The following C10orf88 variants were observed in gnomAD, a reference collection of about 807,000 sequenced individuals.
C10orf88 encodes the protein chromosome 10 open reading frame 88.
Under a neutral mutation model 34.2 loss-of-function variants are expected in C10orf88, and 29 were observed. That is an observed-to-expected ratio of 0.85 (90% CI 0.63 to 1.16). The LOEUF is 1.16. Among genes scored for constraint, C10orf88 ranks in the 50% most tolerant of loss-of-function variants. C10orf88 has a pLI of 0.00. For missense variants in C10orf88, 507 were observed against 533.2 expected, an observed-to-expected ratio of 0.95 and a Z score of 0.48; for synonymous variants, 194 against 197.4, an observed-to-expected ratio of 0.98 and a Z score of 0.15.
intron 4 of C10orf88, among the ~76,000 whole-genome samples, chr10:122,939,583 G>A (rs1848565802): frequency 6.6e-6 from 1 of 151,786 alleles, no homozygotes; most frequent in Non-Finnish European, 1.5e-5. Flanking sequence ...TTTATAAAAT[G>A]CAAGTTTTGA....
Position 122,948,674 on chromosome 10 carries a change from A to G in C10orf88, c.623T>C (p.Met208Thr). Residue 208 changes from methionine (M) to threonine (T), a missense_variant, in exon 4 of 6, where the codon ATG becomes ACG. Physicochemically the swap from Met to Thr is moderately conservative, Grantham distance 81. Coordinates refer to ENST00000481909, the MANE Select transcript of C10orf88 (RefSeq NM_024942.4). ...SKLSPGAQQL[M>T]DMVRCQQRNC... ...CCGCTGCTGACACCTAACCATATCC[A>G]TCAACTGCTGAGCTCCAGGAGATAA... The G allele has an allele frequency of 4.3e-6, 7 of 1,613,920 alleles. No homozygotes were observed. Among genetic ancestry groups the G allele is most frequent in the Non-Finnish European group, 5.9e-6 (7 of 1,179,848 alleles).
Position 122,945,831 on chromosome 10 carries a change from G to A in C10orf88, c.648+2818C>T, listed in dbSNP as rs554054720. 5.9e-4 allele frequency among the ~76,000 whole-genome samples: 90 copies of A among 152,178 alleles called. 2 individuals are homozygous for A. In the South Asian group the frequency reaches 6.2e-3, roughly 11 times the overall value. ...CGATAGGCTGGGCATGGTGGTTCAC[G>A]CCTGTAATCCCACCCAGTACTTTGG... On this transcript the variant is annotated intron_variant, in intron 4 of 5. Coordinates refer to ENST00000481909, the MANE Select transcript of C10orf88 (RefSeq NM_024942.4).
chr10:122,948,197 C>A (rs1322146250), intron 4 of C10orf88, among the ~76,000 whole-genome samples: 1 of 152,084 alleles, frequency 6.6e-6, no homozygotes, highest in East Asian at 1.9e-4. Flanking sequence ...ATTTTATTCA[C>A]CTTATTTTTT....
chr10:122,944,985 T>A (rs1386394680), intron 4 of C10orf88, among the ~76,000 whole-genome samples: 2 of 111,924 alleles, frequency 1.8e-5, no homozygotes, highest in African/African-American at 6.4e-5. Flanking sequence ...TAGGTGTGTG[T>A]GTATATATAT....
intron 4 of C10orf88, among the ~76,000 whole-genome samples, chr10:122,943,266 A>T (rs1261480406): frequency 7.0e-6 from 1 of 141,850 alleles, no homozygotes; most frequent in East Asian, 2.1e-4. Flanking sequence ...AAAAACAAGC[A>T]ATGGGGAAAG....
intron 4 of C10orf88, among the ~76,000 whole-genome samples, chr10:122,947,944 G>A (rs1354587198): frequency 6.6e-6 from 1 of 152,070 alleles, no homozygotes; most frequent in African/African-American, 2.4e-5. Context: ...ATCTGGACGA[G>A]GGGAATGACG....
At chr10:122,940,494 T>C (rs541714421) in intron 4 of C10orf88, among the ~76,000 whole-genome samples, 1 of 152,192 alleles carries the variant, frequency 6.6e-6, no homozygotes, top group Non-Finnish European at 1.5e-5. Context: ...TACAACAGTG[T>C]CTATAGTTAA....
chr10:122,944,136 C>A (rs1848613411), intron 4 of C10orf88, among the ~76,000 whole-genome samples: 1 of 151,708 alleles, frequency 6.6e-6, no homozygotes, highest in Non-Finnish European at 1.5e-5. Flanking sequence ...AAATGTCCAA[C>A]AATGATAGAC....
At chr10:122,933,189 G>A (rs1019124769) in intron 5 of C10orf88, among the ~76,000 whole-genome samples, 3 of 152,126 alleles carry the variant, frequency 2.0e-5, no homozygotes, top group Non-Finnish European at 4.4e-5. Context: ...CATTAGAACA[G>A]TAAGTCTCAG....
intron 5 of C10orf88, among the ~76,000 whole-genome samples, chr10:122,936,049 T>C (rs531401610): frequency 6.5e-4 from 99 of 152,100 alleles, no homozygotes; most frequent in Non-Finnish European, 8.4e-4. Flanking sequence ...GTTCTTTAAA[T>C]GTTCAGTGGA....
chr10:122,948,987 C>T, intron 3 of C10orf88, 132 bp from the exon 4 acceptor site: 1 of 803,798 alleles, frequency 1.2e-6, no homozygotes, highest in Non-Finnish European at 1.9e-6. Context: ...ATATTTTAAA[C>T]TTTTCTCTAG....
intron 5 of C10orf88, among the ~76,000 whole-genome samples, chr10:122,936,841 T>C (rs963254637): frequency 1.3e-5 from 2 of 152,018 alleles, no homozygotes; most frequent in African/African-American, 4.8e-5. Context: ...AAAACACACA[T>C]TGTATTATTT....
intron 1 of C10orf88, among the ~76,000 whole-genome samples, chr10:122,953,627 G>C (rs749395233): frequency 6.6e-6 from 1 of 152,206 alleles, no homozygotes; most frequent in Non-Finnish European, 1.5e-5. Flanking sequence ...TATCTTTTTC[G>C]AAATTAAGTC....
chr10:122,944,290 C>T (rs1848615009), intron 4 of C10orf88, among the ~76,000 whole-genome samples: 1 of 149,542 alleles, frequency 6.7e-6, no homozygotes, highest in Admixed American at 6.7e-5. Context: ...AAACCAAACA[C>T]CGCATATTCT....
chr10:122,952,025 C>A lies in C10orf88; in HGVS notation c.370G>T (p.Glu124Ter). ...KNVCTVLDDS[E>*]HEKIILYKKN... Reference sequence around the variant, plus strand: ...TTATACAAAATGATCTTTTCATGTTCACTAAAAATAAAAAAGAATTAATTT... The same window carrying A: ...TTATACAAAATGATCTTTTCATGTTAACTAAAAATAAAAAAGAATTAATTT... The change falls in exon 3 of 6, where the codon GAA (glutamate) becomes TAA (stop). Residue 124 changes from glutamate (E) to a stop codon, truncating the protein, a stop_gained and splice_region_variant. Coordinates refer to ENST00000481909, the MANE Select transcript of C10orf88 (RefSeq NM_024942.4). LOFTEE classifies it high-confidence loss of function. 7.1e-7 allele frequency: 1 copy of A among 1,415,248 alleles called. No individual in the cohort carries two copies. The highest frequency in any genetic ancestry group is 1.3e-5 in the South Asian group (1 of 79,874). The allele number at this position is 1,415,248 out of a possible 1,614,324, so 87.7% of individuals were successfully genotyped here.
chr10:122,954,168 C>T lies in C10orf88; in HGVS notation c.11G>A (p.Arg4Gln), dbSNP rs775693796. 85 of 1,570,750 alleles carry T rather than the reference C, an allele frequency of 5.4e-5. No individual in the cohort carries two copies. Among genetic ancestry groups the T allele is most frequent in the Middle Eastern group, 1.7e-4 (1 of 5,994 alleles). The change falls in exon 1 of 6, where the codon CGG (arginine) becomes CAG (glutamine). Residue 4 changes from arginine to glutamine, a missense_variant. By Grantham distance (43) the Arg-to-Gln change is conservative. Coordinates refer to ENST00000481909, the MANE Select transcript of C10orf88 (RefSeq NM_024942.4). The stretch of plus-strand genomic sequence containing the variant: ...GCGGGTGAGGCCCCCGTCCTCGGTC[C>T]GCGTCTCCATTCCGCCGCCTTCAGT... MET[R>Q]TEDGGLTRRP...
At chr10:122,946,025 G>A (rs1391299248) in intron 4 of C10orf88, among the ~76,000 whole-genome samples, 1 of 151,922 alleles carries the variant, frequency 6.6e-6, no homozygotes, top group Non-Finnish European at 1.5e-5. Context: ...GAACCCAGGA[G>A]GCAGAGGTTG....
rs560483224 is a variant in C10orf88 at position 122,944,465 on chromosome 10, T to G, written c.648+4184A>C. Among the ~76,000 whole-genome samples the G allele has an allele frequency of 7.9e-5, 12 of 152,126 alleles. No individual in the cohort carries two copies. In the South Asian group the frequency reaches 1.7e-3, roughly 21 times the overall value. ...GGGTGCAGCGCACCAGCATGGCACA[T>G]GTATACATATGTAACAAACCTGCAC... On this transcript the variant is annotated intron_variant, in intron 4 of 5. Coordinates refer to ENST00000481909, the MANE Select transcript of C10orf88 (RefSeq NM_024942.4).
At chr10:122,952,297 T>C (rs1192596008) in intron 2 of C10orf88, among the ~76,000 whole-genome samples, 1 of 152,160 alleles carries the variant, frequency 6.6e-6, no homozygotes, top group Non-Finnish European at 1.5e-5. Context: ...AGCAATTGTT[T>C]CCAACATGCA....
Sources: gnomAD v4.1 joint callset for allele counts (sites outside exome capture counted in the v4.1 genomes callset) on GRCh38, gnomAD v4.1.1 for gene constraint, MANE v1.5 for transcripts, NCBI Gene and HGNC (gene_info 2026-07-23, HGNC 2026-07-21) for gene names.